Variants in SRGAP3 observed in about 807,000 individuals in gnomAD.
SRGAP3 encodes the protein SLIT-ROBO Rho GTPase-activating protein 3.
Under a neutral mutation model 121.1 loss-of-function variants are expected in SRGAP3, and 39 were observed. That is an observed-to-expected ratio of 0.32 (90% CI 0.25 to 0.42). The LOEUF is 0.42. Among genes scored for constraint, SRGAP3 ranks in the 10% least tolerant of loss-of-function variants. SRGAP3 has a pLI of 1.00. For synonymous variants in SRGAP3, 601 were observed against 570.0 expected, an observed-to-expected ratio of 1.05 and a Z score of -0.77; for missense variants, 1,213 against 1,470.6, an observed-to-expected ratio of 0.82 and a Z score of 2.86.
chr3:9,276,217 T>C (rs548677318), intron 3 of SRGAP3, among the ~76,000 whole-genome samples: 21 of 152,322 alleles, frequency 1.4e-4, no homozygotes, highest in African/African-American at 4.8e-4. Context: ...TCAGCCACTC[T>C]TTAATGGGTT....
intron 4 of SRGAP3, among the ~76,000 whole-genome samples, chr3:9,067,586 A>T (rs762611258): frequency 2.0e-5 from 3 of 152,152 alleles, no homozygotes; most frequent in Admixed American, 6.6e-5. Flanking sequence ...CAGATAATCA[A>T]AGCAGGCGCC....
chr3:9,057,373 A>G (rs924979751), intron 7 of SRGAP3, among the ~76,000 whole-genome samples: 2 of 152,194 alleles, frequency 1.3e-5, no homozygotes, highest in African/African-American at 4.8e-5. Flanking sequence ...TGCACAACCC[A>G]AAGTTTACGG....
At chr3:9,234,977 A>G (rs926012047) in intron 1 of SRGAP3, among the ~76,000 whole-genome samples, 2 of 152,150 alleles carry the variant, frequency 1.3e-5, no homozygotes, top group Non-Finnish European at 2.9e-5. Flanking sequence ...GGGAAATTCT[A>G]GCTGAAAGTG....
At chr3:9,154,790 A>G (rs781230823) in intron 1 of SRGAP3, among the ~76,000 whole-genome samples, 1 of 152,168 alleles carries the variant, frequency 6.6e-6, no homozygotes, top group Admixed American at 6.6e-5. Flanking sequence ...TGAAAAAACC[A>G]GTGATCTAGA....
At chr3:9,159,850 A>T (rs558140715) in intron 1 of SRGAP3, among the ~76,000 whole-genome samples, 2 of 152,272 alleles carry the variant, frequency 1.3e-5, no homozygotes, top group Non-Finnish European at 2.9e-5. Context: ...TTATTTTTTT[A>T]AATGATGATA....
At chr3:9,141,242 A>C (rs180805701) in intron 1 of SRGAP3, among the ~76,000 whole-genome samples, 109 of 152,206 alleles carry the variant, frequency 7.2e-4, no homozygotes, top group African/African-American at 2.5e-3. Flanking sequence ...CAGAGCCACT[A>C]ATCTTCATTG....
chr3:9,028,073 G>C (rs749357852), intron 12 of SRGAP3: 1 of 1,613,944 alleles, frequency 6.2e-7, no homozygotes, highest in South Asian at 1.1e-5. Flanking sequence ...ACGGTGAATG[G>C]GGCTAATGGG....
chr3:9,032,194 TAAA>T (rs897512308), intron 12 of SRGAP3, among the ~76,000 whole-genome samples: 1 of 150,332 alleles, frequency 6.7e-6, no homozygotes, highest in Non-Finnish European at 1.5e-5. Flanking sequence ...TATATGCAAC[TAAA>T]AAAAAAATTC....
chr3:9,060,631 G>A (rs1946111068), intron 5 of SRGAP3, among the ~76,000 whole-genome samples: 1 of 151,848 alleles, frequency 6.6e-6, no homozygotes, highest in Non-Finnish European at 1.5e-5. Context: ...GAGATGGTGG[G>A]GTCTCACTAT....
intron 10 of SRGAP3, among the ~76,000 whole-genome samples, chr3:9,043,418 C>A (rs1188856941): frequency 1.3e-5 from 2 of 152,192 alleles, no homozygotes; most frequent in Admixed American, 1.3e-4. Flanking sequence ...TCTCCCCAGG[C>A]CTGGCCAAAC....
chr3:9,323,061 T>C (rs565054542), intron 3 of SRGAP3, among the ~76,000 whole-genome samples: 19 of 151,918 alleles, frequency 1.3e-4, no homozygotes, highest in African/African-American at 4.1e-4. Context: ...AAAAAGACAG[T>C]TACAAAGGCT....
Position 8,982,639 on chromosome 3 carries a change from G to A in SRGAP3, c.*2880C>T, listed in dbSNP as rs1362591686. The A allele has an allele frequency of 1.9e-5, 4 of 214,516 alleles. No homozygotes were observed. Among genetic ancestry groups the A allele is most frequent in the African/African-American group, 4.6e-5 (2 of 43,612 alleles). The allele number at this position is 214,516 out of a possible 1,614,324, so 13.3% of individuals were successfully genotyped here. On this transcript the variant is annotated 3_prime_UTR_variant, in exon 22 of 22. Coordinates refer to ENST00000383836, the MANE Select transcript of SRGAP3 (RefSeq NM_014850.4). Reference sequence around the variant, plus strand: ...AAGAGAAAGCCAATGTTCAGTGAACGTCGATGGGACTGAGTGCTGTGGAGG... The same window carrying A: ...AAGAGAAAGCCAATGTTCAGTGAACATCGATGGGACTGAGTGCTGTGGAGG...
chr3:9,243,695 G>C (rs1021841944), intron 1 of SRGAP3, among the ~76,000 whole-genome samples: 1 of 150,798 alleles, frequency 6.6e-6, no homozygotes, highest in African/African-American at 2.4e-5. Context: ...GCGTTTATAA[G>C]AGCACAAGCC....
At chr3:9,343,170 G>A (rs143064452) in intron 1 of SRGAP3, among the ~76,000 whole-genome samples, 48 of 152,252 alleles carry the variant, frequency 3.2e-4, no homozygotes, top group African/African-American at 1.0e-3. Flanking sequence ...GTCCATTAAC[G>A]TAGCTAAACA....
At chr3:9,199,108 C>T (rs1209658028) in intron 1 of SRGAP3, among the ~76,000 whole-genome samples, 4 of 152,180 alleles carry the variant, frequency 2.6e-5, no homozygotes, top group Non-Finnish European at 5.9e-5. Flanking sequence ...ATCCCCAGCA[C>T]CTCTCAGCTG....
At chr3:9,323,178 G>A (rs953057880) in intron 3 of SRGAP3, among the ~76,000 whole-genome samples, 1 of 151,858 alleles carries the variant, frequency 6.6e-6, no homozygotes, top group African/African-American at 2.4e-5. Flanking sequence ...TGGACAGGGA[G>A]GGGTGCTGAC....
intron 3 of SRGAP3, among the ~76,000 whole-genome samples, chr3:9,103,126 T>C (rs752582795): frequency 1.3e-5 from 2 of 152,230 alleles, no homozygotes; most frequent in Non-Finnish European, 2.9e-5. Flanking sequence ...AAGCATATTG[T>C]GTGGCAGGAG....
intron 3 of SRGAP3, among the ~76,000 whole-genome samples, chr3:9,295,471 C>T (rs928584356): frequency 1.3e-5 from 2 of 152,102 alleles, no homozygotes; most frequent in African/African-American, 4.8e-5. Context: ...CAGGGGAATT[C>T]GTTGTGATTG....
At chr3:9,352,465 G>A (rs969597485) in intron 1 of SRGAP3, among the ~76,000 whole-genome samples, 1 of 151,894 alleles carries the variant, frequency 6.6e-6, no homozygotes, top group African/African-American at 2.4e-5. Context: ...GTAGAGATAG[G>A]GTTTCACCAT....
Sources: allele counts gnomAD v4.1 joint callset (sites outside exome capture counted in the v4.1 genomes callset), GRCh38; gene constraint gnomAD v4.1.1; transcripts MANE v1.5; gene names NCBI Gene and HGNC (gene_info 2026-07-23, HGNC 2026-07-21).